Variants in DTD1 observed in about 807,000 individuals in gnomAD.
The protein encoded by DTD1 is D-tyrosyl-tRNA deacylase 1 homolog.
DTD1 carries 13 observed loss-of-function variants against 25.6 expected under a neutral mutation model. That is an observed-to-expected ratio of 0.51 (90% CI 0.33 to 0.81). The LOEUF (loss-of-function observed/expected upper bound fraction) is 0.81. Ranked by LOEUF, DTD1 falls within the 30% of genes least tolerant of loss-of-function variation. DTD1 has a pLI of 0.02. For synonymous variants in DTD1, 110 were observed against 103.6 expected, an observed-to-expected ratio of 1.06 and a Z score of -0.37; for missense variants, 193 against 266.4, an observed-to-expected ratio of 0.72 and a Z score of 1.92.
intron 4 of DTD1, among the ~76,000 whole-genome samples, chr20:18,637,859 A>G (rs1231163369): frequency 6.6e-6 from 1 of 152,216 alleles, no homozygotes; most frequent in African/African-American, 2.4e-5. Context: ...TGTTTCATGA[A>G]TAAGTATCAC....
intron 4 of DTD1, among the ~76,000 whole-genome samples, chr20:18,651,963 G>T (rs1234061397): frequency 2.0e-5 from 3 of 152,216 alleles, no homozygotes; most frequent in African/African-American, 7.2e-5. Flanking sequence ...GTGTCCAGAG[G>T]ATGAGAGGTA....
chr20:18,670,881 T>A (rs1447212671), intron 4 of DTD1, among the ~76,000 whole-genome samples: 1 of 152,240 alleles, frequency 6.6e-6, no homozygotes, highest in Non-Finnish European at 1.5e-5. Flanking sequence ...GAGTCTCAAG[T>A]GCTAGTGGCA....
chr20:18,762,148 T>C (rs1180595387), intron 5 of DTD1, among the ~76,000 whole-genome samples: 1 of 152,222 alleles, frequency 6.6e-6, no homozygotes, highest in Non-Finnish European at 1.5e-5. Flanking sequence ...CTGCTTGTGA[T>C]ACAACCCTTT....
Position 18,628,182 on chromosome 20 carries a change from C to T in DTD1, c.426C>T (p.Thr142=). Residue 142 remains threonine, a synonymous_variant, in exon 4 of 6, where the codon ACC becomes ACT. Coordinates refer to ENST00000377452, the MANE Select transcript of DTD1 (RefSeq NM_080820.6). Reference sequence around the variant, plus strand: ...ACATTCAGAATGATGGGCCTGTGACCATAGAGCTGGAATCGCCAGCTCCCG... The same window carrying T: ...ACATTCAGAATGATGGGCCTGTGACTATAGAGCTGGAATCGCCAGCTCCCG... ...QVHIQNDGPV[T]IELESPAPGT... 6.2e-7 allele frequency: 1 copy of T among 1,613,910 alleles called. No homozygotes were observed. The highest frequency in any genetic ancestry group is 8.5e-7 in the Non-Finnish European group (1 of 1,179,878).
chr20:18,606,225 G>A (rs1449875608), intron 3 of DTD1, among the ~76,000 whole-genome samples: 1 of 146,968 alleles, frequency 6.8e-6, no homozygotes, highest in Non-Finnish European at 1.5e-5. Context: ...AAACCACTAT[G>A]AGATACCATC....
chr20:18,758,719 T>G (rs1270939726), intron 5 of DTD1, among the ~76,000 whole-genome samples: 1 of 152,224 alleles, frequency 6.6e-6, no homozygotes, highest in African/African-American at 2.4e-5. Context: ...ATAGGTGTGG[T>G]GTGGTGCTGA....
intron 4 of DTD1, among the ~76,000 whole-genome samples, chr20:18,654,915 A>G (rs1191197126): frequency 6.6e-6 from 1 of 152,236 alleles, no homozygotes; most frequent in Non-Finnish European, 1.5e-5. Context: ...TAAAAGCATC[A>G]ATCAATATTA....
At chr20:18,692,394 T>A (rs1478407315) in intron 4 of DTD1, among the ~76,000 whole-genome samples, 1 of 152,236 alleles carries the variant, frequency 6.6e-6, no homozygotes, top group African/African-American at 2.4e-5. Flanking sequence ...TCTGCTTCCT[T>A]TGGCTATTTG....
At chr20:18,684,258 G>C (rs928404983) in intron 4 of DTD1, among the ~76,000 whole-genome samples, 9 of 151,714 alleles carry the variant, frequency 5.9e-5, no homozygotes, top group African/African-American at 1.9e-4. Context: ...TTTCACACTA[G>C]TTCATGCTCA....
intron 4 of DTD1, among the ~76,000 whole-genome samples, chr20:18,669,971 G>T (rs576450991): frequency 6.6e-6 from 1 of 152,134 alleles, no homozygotes; most frequent in Admixed American, 6.5e-5. Context: ...GTCTGCAAGC[G>T]CACACCTGCA....
chr20:18,691,515 G>A (rs1412834198), intron 4 of DTD1, among the ~76,000 whole-genome samples: 1 of 152,156 alleles, frequency 6.6e-6, no homozygotes, highest in Non-Finnish European at 1.5e-5. Flanking sequence ...ATGCAGGAGT[G>A]GAAAACCAAA....
chr20:18,617,776 A>G (rs929058356), intron 3 of DTD1, among the ~76,000 whole-genome samples: 7 of 152,190 alleles, frequency 4.6e-5, no homozygotes, highest in African/African-American at 1.4e-4. Context: ...CCCTTTCTAT[A>G]CAAAAGGTAT....
At chr20:18,592,562 T>C (rs1174511008) in intron 1 of DTD1, 1 of 152,016 alleles carries the variant, frequency 6.6e-6, no homozygotes, top group Non-Finnish European at 1.5e-5. Context: ...GTAGTGGAAT[T>C]GCACCTGTGA....
At chr20:18,712,831 T>C (rs2061164566) in intron 4 of DTD1, among the ~76,000 whole-genome samples, 1 of 152,232 alleles carries the variant, frequency 6.6e-6, no homozygotes, top group African/African-American at 2.4e-5. Flanking sequence ...GACACCGGAA[T>C]GTTTTCTTCC....
At chr20:18,645,811 T>C (rs1312054983) in intron 4 of DTD1, among the ~76,000 whole-genome samples, 1 of 152,212 alleles carries the variant, frequency 6.6e-6, no homozygotes, top group Non-Finnish European at 1.5e-5. Flanking sequence ...TTTGATGGGT[T>C]CCTTTTTCAT....
At position 18,639,182 on chromosome 20, in the gene DTD1, G is replaced by GAAA. The variant is rs56353252; in HGVS notation, c.477+10963_477+10965dup. 9.9e-3 allele frequency among the ~76,000 whole-genome samples: 1,166 copies of GAAA among 118,200 alleles called. 14 individuals carry two copies. Among genetic ancestry groups the GAAA allele is most frequent in the Middle Eastern group, 0.014 (3 of 218 alleles). The allele number at this position is 118,200 out of a possible 152,430, so 77.5% of individuals were successfully genotyped here. On this transcript the variant is annotated intron_variant, in intron 4 of 5. Transcript: ENST00000377452. ...ACTTGTTTGATGGTTTTTTTTTTAA[G>GAAA]AAAAAAAAAAAAAAAAGCAAGCAAG...
chr20:18,696,927 A>T (rs961111395), intron 4 of DTD1, among the ~76,000 whole-genome samples: 2 of 151,852 alleles, frequency 1.3e-5, no homozygotes, highest in African/African-American at 4.8e-5. Context: ...AGATTGGGTA[A>T]ATCTCTTAAA....
chr20:18,695,275 C>T (rs1284875505), intron 4 of DTD1, among the ~76,000 whole-genome samples: 1 of 151,732 alleles, frequency 6.6e-6, no homozygotes, highest in Non-Finnish European at 1.5e-5. Context: ...TACTGAAGGT[C>T]TCTCGTTCAG....
Position 18,626,805 on chromosome 20 carries a change from A to G in DTD1, c.371-1322A>G, listed in dbSNP as rs572763769. Among the ~76,000 whole-genome samples, 16 of 152,372 alleles carry G rather than the reference A, an allele frequency of 1.1e-4. 1 individual carries two copies. The East Asian group carries it at 3.1e-3, about 29-fold the overall frequency. The stretch of plus-strand genomic sequence containing the variant: ...AATAAATTTCTCACTACTTGGAATG[A>G]TAAACAAGGTGAAGCATATACTGTA... On this transcript the variant is annotated intron_variant, in intron 3 of 5. Coordinates refer to ENST00000377452, the MANE Select transcript of DTD1 (RefSeq NM_080820.6).
Sources: allele counts gnomAD v4.1 joint callset (sites outside exome capture counted in the v4.1 genomes callset), GRCh38; gene constraint gnomAD v4.1.1; transcripts MANE v1.5; gene names NCBI Gene and HGNC (gene_info 2026-07-23, HGNC 2026-07-21).